RASAL2: variants seen among roughly 807,000 people sequenced by gnomAD.
RASAL2 encodes the protein ras GTPase-activating protein nGAP.
RASAL2 carries 58 observed loss-of-function variants against 128.9 expected under a neutral mutation model. The observed-to-expected ratio is 0.45, with a 90% CI of 0.36 to 0.56. The LOEUF (loss-of-function observed/expected upper bound fraction) is 0.56. RASAL2 is among the 20% of genes least tolerant of loss of function. The pLI, the probability that RASAL2 is intolerant of heterozygous loss-of-function variation, is 0.00. For synonymous variants in RASAL2, 561 were observed against 580.8 expected (o/e 0.97, Z 0.49); for missense variants, 1,360 against 1,601.6 (o/e 0.85, Z 2.57).
chr1:178,439,467 C>G lies in RASAL2; in HGVS notation c.720C>G (p.Ser240=), dbSNP rs746583734. ...TAAAAGAGTCACGTTCCCATGAATC[C>G]TTGCTGAGCCCATGCAGCACAGTGG... The part of the protein sequence containing the change: ...PKLKESRSHE[S]LLSPCSTVEC... Residue 240 remains serine (S), a synonymous_variant, in exon 6 of 18, where the codon TCC becomes TCG. Coordinates refer to ENST00000367649, the MANE Select transcript of RASAL2 (RefSeq NM_170692.4). 4.2e-5 allele frequency: 67 copies of G among 1,612,170 alleles called. No individual in the cohort carries two copies. The highest frequency in any genetic ancestry group is 4.8e-5 in the Non-Finnish European group (57 of 1,178,990).
chr1:178,367,114 C>T (rs1306399108), intron 3 of RASAL2, among the ~76,000 whole-genome samples: 1 of 152,206 alleles, frequency 6.6e-6, no homozygotes, highest in Non-Finnish European at 1.5e-5. Flanking sequence ...TTGCCCATCA[C>T]TCTTGCCTCG....
At position 178,477,524 on chromosome 1, in the gene RASAL2, C is replaced by T. The variant is rs7524556; in HGVS notation, c.*4285C>T. On this transcript the variant is annotated 3_prime_UTR_variant, in exon 18 of 18. Transcript: ENST00000367649. Reference sequence around the variant, plus strand: ...AGTGAAAGAACCTGAGGAAGAGACACGACCCTAAGGGAATGAATGCATAAG... The same window carrying T: ...AGTGAAAGAACCTGAGGAAGAGACATGACCCTAAGGGAATGAATGCATAAG... The T allele has an allele frequency of 0.15, 23,292 of 152,110 alleles. 2,376 individuals carry two copies. The highest frequency in any genetic ancestry group is 0.29 in the African/African-American group (11,955 of 41,450). 9.4% of individuals were successfully genotyped at this position (152,110 alleles called of 1,614,324 possible).
chr1:178,276,710 C>T (rs1471387488), intron 1 of RASAL2, among the ~76,000 whole-genome samples: 1 of 151,882 alleles, frequency 6.6e-6, no homozygotes, highest in East Asian at 1.9e-4. Context: ...AGAATCATCT[C>T]CACGTAACAA....
intron 14 of RASAL2, among the ~76,000 whole-genome samples, chr1:178,463,051 C>G (rs963870711): frequency 3.3e-5 from 5 of 151,900 alleles, no homozygotes; most frequent in Admixed American, 6.6e-5. Context: ...ATCAAAATAC[C>G]CCTTCTTTTA....
chr1:178,113,664 T>G (rs1269997195), intron 1 of RASAL2, among the ~76,000 whole-genome samples: 1 of 152,020 alleles, frequency 6.6e-6, no homozygotes, highest in Non-Finnish European at 1.5e-5. Flanking sequence ...ATTATAGCTG[T>G]GAGCCACCAC....
intron 1 of RASAL2, among the ~76,000 whole-genome samples, chr1:178,268,744 C>G (rs1043548282): frequency 6.6e-6 from 1 of 152,140 alleles, no homozygotes; most frequent in African/African-American, 2.4e-5. Flanking sequence ...CAGGCATGCA[C>G]CACGGCTCCT....
In RASAL2 at chr1:178,231,809, A is replaced by G. The variant is rs148825696; in HGVS notation, c.203-51755A>G. Among the ~76,000 whole-genome samples, 188 of 152,220 alleles carry G rather than the reference A, an allele frequency of 1.2e-3. 2 individuals carry two copies. The East Asian group carries it at 0.022, about 18-fold the overall frequency. ...TCTAGGTTTTCTTTTAAATAAGGGG[A>G]AAATGTACAATTGTAAGATTCTCTA... On this transcript the variant is annotated intron_variant, in intron 1 of 17. Coordinates refer to ENST00000367649, the MANE Select transcript of RASAL2 (RefSeq NM_170692.4).
rs749603702 is a variant in RASAL2 at position 178,456,701 on chromosome 1, G to A, written c.2212-20G>A. The A allele has an allele frequency of 4.4e-5, 71 of 1,613,418 alleles. No individual in the cohort carries two copies. Among genetic ancestry groups the A allele is most frequent in the Non-Finnish European group, 5.9e-5 (70 of 1,179,580 alleles). On this transcript the variant is annotated intron_variant, in intron 12 of 17. Coordinates refer to ENST00000367649, the MANE Select transcript of RASAL2 (RefSeq NM_170692.4). ...TCGCAATGCTTATTATCCAATTAGG[G>A]TGAAAATTCCTTCCTACAGGCGACC...
intron 1 of RASAL2, among the ~76,000 whole-genome samples, chr1:178,165,161 C>CA (rs1171774835): frequency 6.6e-6 from 1 of 151,704 alleles, no homozygotes; most frequent in Non-Finnish European, 1.5e-5. Context: ...CCACAGATAT[C>CA]AAAGTAAAAC....
At chr1:178,438,335 T>C (rs143722638) in intron 5 of RASAL2, among the ~76,000 whole-genome samples, 155 of 152,222 alleles carry the variant, frequency 1.0e-3, no homozygotes, top group African/African-American at 3.5e-3. Context: ...AGTGTTAATG[T>C]GGTTATTTCA....
At chr1:178,127,566 C>T (rs1175922263) in intron 1 of RASAL2, among the ~76,000 whole-genome samples, 1 of 151,976 alleles carries the variant, frequency 6.6e-6, no homozygotes, top group East Asian at 1.9e-4. Context: ...TTTTGAAACC[C>T]TGTATTTGAG....
intron 1 of RASAL2, among the ~76,000 whole-genome samples, chr1:178,283,236 G>C (rs1020804867): frequency 6.6e-6 from 1 of 152,120 alleles, no homozygotes; most frequent in Non-Finnish European, 1.5e-5. Context: ...GAGTCACTCT[G>C]CTTCTGTATT....
intron 4 of RASAL2, among the ~76,000 whole-genome samples, chr1:178,416,318 T>C (rs887543989): frequency 2.6e-5 from 4 of 152,042 alleles, no homozygotes; most frequent in Admixed American, 1.3e-4. Flanking sequence ...ACTATACAAC[T>C]TCGTAGATAG....
chr1:178,127,787 C>T (rs421767), intron 1 of RASAL2, among the ~76,000 whole-genome samples: 103,934 of 151,796 alleles, frequency 0.68, 37,899 homozygotes, highest in East Asian at 0.8. Context: ...CCCCCTCAAT[C>T]CCTGATCAGG....
intron 1 of RASAL2, among the ~76,000 whole-genome samples, chr1:178,197,748 G>A (rs1662716338): frequency 6.6e-6 from 1 of 151,920 alleles, no homozygotes; most frequent in African/African-American, 2.4e-5. Context: ...TGTGCACAAT[G>A]TGCAGGTTTG....
intron 1 of RASAL2, among the ~76,000 whole-genome samples, chr1:178,158,603 A>G (rs575741932): frequency 6.6e-6 from 1 of 152,376 alleles, no homozygotes; most frequent in South Asian, 2.1e-4. Flanking sequence ...AGCATCTAGC[A>G]CATAGCAAGT....
At chr1:178,280,341 G>C (rs1475155693) in intron 1 of RASAL2, among the ~76,000 whole-genome samples, 1 of 151,916 alleles carries the variant, frequency 6.6e-6, no homozygotes, top group Non-Finnish European at 1.5e-5. Context: ...AAATATAAAA[G>C]AGTCGCTCTT....
At chr1:178,414,918 T>C (rs1674656425) in intron 4 of RASAL2, among the ~76,000 whole-genome samples, 1 of 152,204 alleles carries the variant, frequency 6.6e-6, no homozygotes, top group African/African-American at 2.4e-5. Context: ...GAACCTGTTG[T>C]GATGACCCCT....
intron 1 of RASAL2, among the ~76,000 whole-genome samples, chr1:178,133,879 G>A (rs1183754174): frequency 6.6e-6 from 1 of 152,184 alleles, no homozygotes; most frequent in Non-Finnish European, 1.5e-5. Flanking sequence ...AGGGAAGGGT[G>A]TGACGATCAT....
Sources: gnomAD v4.1 joint callset for allele counts (sites outside exome capture counted in the v4.1 genomes callset) on GRCh38, gnomAD v4.1.1 for gene constraint, MANE v1.5 for transcripts, NCBI Gene and HGNC (gene_info 2026-07-23, HGNC 2026-07-21) for gene names.